MICALL2: variants seen among roughly 807,000 people sequenced by gnomAD.
MICALL2 encodes MICAL-like protein 2.
MICALL2 carries 111 observed loss-of-function variants against 91.1 expected under a neutral mutation model. The ratio of observed to expected loss-of-function variants is 1.22; its 90% confidence interval spans 1.04 to 1.43. The LOEUF (loss-of-function observed/expected upper bound fraction) is 1.43. Among genes scored for constraint, MICALL2 ranks in the 40% most tolerant of loss-of-function variants. MICALL2 has a pLI of 0.00. For missense variants in MICALL2, 1,556 were observed against 1,236.0 expected (o/e 1.26, Z -3.88); for synonymous variants, 694 against 525.3 (o/e 1.32, Z -4.39).
At chr7:1,447,114 GATCCC>G (rs1355639944) in intron 4 of MICALL2, among the ~76,000 whole-genome samples, 1 of 152,140 alleles carries the variant, frequency 6.6e-6, no homozygotes, top group Non-Finnish European at 1.5e-5. Context: ...TAGGGGCATG[GATCCC>G]ATCCAATTCC....
rs139452103 is a variant in MICALL2 at position 1,440,645 on chromosome 7, G to A, written c.1751C>T (p.Pro584Leu). The change falls in exon 8 of 17, where the codon CCG becomes CTG. Residue 584 changes from proline (P) to leucine (L), a missense_variant. By Grantham distance (98) the Pro-to-Leu change is moderately conservative. Transcript: ENST00000297508. ...TSLQEGQEDG[P>L]AGWRANLKPV... ...CTTCAGATTCGCTCTCCATCCTGCC[G>A]GCCCGTCCTCCTGGCCTTCCTGGAG... 2.7e-5 allele frequency: 43 copies of A among 1,612,474 alleles called. No homozygotes were observed. In the African/African-American group the frequency reaches 3.6e-4, roughly 14 times the overall value.
chr7:1,452,198 A>G lies in MICALL2; in HGVS notation c.144-1910T>C, dbSNP rs1780860051. On this transcript the variant is annotated intron_variant, in intron 1 of 16. Transcript: ENST00000297508. This position sits in a 1 kb window ranked among gnomAD's most constrained non-coding sequence, Gnocchi z 6.2. ...GCACGCCGGACAAGATGGGGCGCGG[A>G]CTCCTCTCCGTGTGGACAGATGACG... Among the ~76,000 whole-genome samples, 1 of 151,616 alleles carries G rather than the reference A, an allele frequency of 6.6e-6. No individual in the cohort carries two copies. The highest frequency in any genetic ancestry group is 1.9e-4 in the East Asian group (1 of 5,156).
chr7:1,443,889 T>C (rs1220558886), intron 6 of MICALL2, among the ~76,000 whole-genome samples: 1 of 151,998 alleles, frequency 6.6e-6, no homozygotes, highest in Non-Finnish European at 1.5e-5. Flanking sequence ...AGCGCCCCCC[T>C]CTACCCGTCC....
At position 1,459,284 on chromosome 7, in the gene MICALL2, A is replaced by C; in HGVS notation, c.43T>G (p.Cys15Gly). Residue 15 changes from cysteine (C) to glycine (G), a missense_variant, in exon 1 of 17, where the codon TGC (cysteine) becomes GGC (glycine). Transcript: ENST00000297508. Reference protein sequence around the residue: ...RALQQWCRQQCEGYRDVNICN... With the variant: ...RALQQWCRQQGEGYRDVNICN... ...ATATTCACGTCGCGGTAGCCCTCGC[A>C]CTGCTGCCGGCACCACTGTTGCAGC... The C allele has an allele frequency of 6.2e-7, 1 of 1,603,228 alleles. No individual in the cohort carries two copies. The highest frequency in any genetic ancestry group is 8.5e-7 in the Non-Finnish European group (1 of 1,176,038).
chr7:1,442,584 G>A, intron 6 of MICALL2, 100 bp from the exon 7 acceptor site: 1 of 1,214,738 alleles, frequency 8.2e-7, no homozygotes, highest in South Asian at 1.5e-5. Flanking sequence ...CACTCCCAAT[G>A]CCCAGCCTCC....
At chr7:1,453,416 A>C (rs1389702819) in intron 1 of MICALL2, among the ~76,000 whole-genome samples, 1 of 152,106 alleles carries the variant, frequency 6.6e-6, no homozygotes, top group African/African-American at 2.4e-5. Flanking sequence ...GAGGCCGGGA[A>C]GATCCTCCCT....
intron 16 of MICALL2, 54 bp from the exon 17 acceptor site, chr7:1,434,726 T>G: frequency 6.7e-7 from 1 of 1,488,978 alleles, no homozygotes; most frequent in Non-Finnish European, 9.0e-7. Flanking sequence ...CGCACAGCCG[T>G]GGCCCACACA....
intron 6 of MICALL2, among the ~76,000 whole-genome samples, chr7:1,443,508 G>A (rs57428290): frequency 0.11 from 17,415 of 152,250 alleles, 1,169 homozygotes; most frequent in Admixed American, 0.18. Flanking sequence ...CATGTCCACT[G>A]GGAAGCTCAG....
At chr7:1,447,845 C>G in intron 3 of MICALL2, 80 bp from the exon 4 acceptor site, 1 of 1,138,866 alleles carries the variant, frequency 8.8e-7, no homozygotes, top group Non-Finnish European at 1.2e-6. Context: ...TCCCAGTGCC[C>G]AGCACAGGCC....
At chr7:1,456,192 A>G (rs1237556767) in intron 1 of MICALL2, among the ~76,000 whole-genome samples, 1 of 147,856 alleles carries the variant, frequency 6.8e-6, no homozygotes. Context: ...AGGCTGAGGC[A>G]GGAGGATTAC....
intron 14 of MICALL2, 83 bp downstream of exon 14, chr7:1,437,452 G>A (rs1780027708): frequency 1.6e-6 from 2 of 1,253,038 alleles, no homozygotes; most frequent in African/African-American, 1.6e-5. Context: ...CAGTCAGGTG[G>A]CCTCACAGAG....
chr7:1,445,567 C>T lies in MICALL2; in HGVS notation c.642-139G>A, dbSNP rs1038391937. On this transcript the variant is annotated intron_variant, in intron 5 of 16. Coordinates refer to ENST00000297508, the MANE Select transcript of MICALL2 (RefSeq NM_182924.4). ...CTGAACGCCCGCCCCGCCACGCATTCACCACGTGCTCCTGAGAGCAGGCAT... is the reference window on the plus strand; with the variant it reads ...CTGAACGCCCGCCCCGCCACGCATTTACCACGTGCTCCTGAGAGCAGGCAT... 12 of 765,594 alleles carry T rather than the reference C, an allele frequency of 1.6e-5. No homozygotes were observed. In the African/African-American group the frequency reaches 2.1e-4, roughly 13 times the overall value. 47.4% of individuals were successfully genotyped at this position (765,594 alleles called of 1,614,324 possible). A position where few individuals can be genotyped will look rare whatever the true frequency, so the allele number is the denominator to read the frequency against.
rs148365760 is a variant in MICALL2 at position 1,437,710 on chromosome 7, G to C, written c.2403-102C>G. 13,208 of 1,343,010 alleles carry C rather than the reference G, an allele frequency of 9.8e-3. 92 individuals are homozygous for C. The highest frequency in any genetic ancestry group is 0.011 in the Non-Finnish European group (10,803 of 973,906). The allele number at this position is 1,343,010 out of a possible 1,614,324, so 83.2% of individuals were successfully genotyped here. A position where few individuals can be genotyped will look rare whatever the true frequency, so the allele number is the denominator to read the frequency against. ...TCCTGGACCTGCCACACAGACACGA[G>C]TCTGAGGCCTGACTCGCCGCCCGTC... is the stretch of plus-strand genomic sequence containing the variant. On this transcript the variant is annotated intron_variant, in intron 13 of 16. Coordinates refer to ENST00000297508, the MANE Select transcript of MICALL2 (RefSeq NM_182924.4).
intron 6 of MICALL2, among the ~76,000 whole-genome samples, 188 bp from the exon 7 acceptor site, chr7:1,442,672 ACCATTGCACCAGGCTGCCCCTCTG>A (rs1284609210): frequency 9.4e-5 from 7 of 74,176 alleles, no homozygotes; most frequent in Non-Finnish European, 1.8e-4. Context: ...CGCCTCCCCC[ACCATTGCACCAGGCTGCCCCTCTG>A]CCTCCCTGCA....
intron 16 of MICALL2, 106 bp from the exon 17 acceptor site, chr7:1,434,778 A>G (rs4473929): frequency 0.19 from 233,764 of 1,211,968 alleles, 26,838 homozygotes; most frequent in African/African-American, 0.5. Context: ...ACTGGCCACA[A>G]TCCGCCCTGG....
intron 1 of MICALL2, among the ~76,000 whole-genome samples, chr7:1,457,972 G>A (rs1024173834): frequency 1.3e-5 from 2 of 152,272 alleles, no homozygotes; most frequent in Non-Finnish European, 2.9e-5. Context: ...GTGGAAGCAC[G>A]CACCTTGTGC....
At chr7:1,437,105 T>C in intron 14 of MICALL2, 1 of 485,222 alleles carries the variant, frequency 2.1e-6, no homozygotes, top group East Asian at 3.7e-5. Flanking sequence ...ATATGGACAC[T>C]GAGGCTCAGG....
At chr7:1,448,840 A>G in intron 2 of MICALL2, 79 bp from the exon 3 acceptor site, 4 of 1,551,476 alleles carry the variant, frequency 2.6e-6, no homozygotes, top group Non-Finnish European at 3.5e-6. Flanking sequence ...ACCTCGACTC[A>G]AAGACACAGT....
intron 9 of MICALL2, chr7:1,439,271 T>C (rs1584202044): frequency 4.3e-6 from 2 of 462,768 alleles, no homozygotes; most frequent in East Asian, 7.2e-5. Context: ...CAGCTATGAG[T>C]GCTAGGAATA....
Sources: gnomAD v4.1 joint callset for allele counts (sites outside exome capture counted in the v4.1 genomes callset) on GRCh38, gnomAD v4.1.1 for gene constraint, Gnocchi (gnomAD v3.1) non-coding constraint, MANE v1.5 for transcripts, NCBI Gene and HGNC (gene_info 2026-07-23, HGNC 2026-07-21) for gene names.